PPIG: variants seen among roughly 807,000 people sequenced by gnomAD.
PPIG encodes peptidylprolyl isomerase G.
Under a neutral mutation model 87.9 loss-of-function variants are expected in PPIG, and 26 were observed. The observed-to-expected ratio is 0.30, with a 90% CI of 0.22 to 0.41. The LOEUF (loss-of-function observed/expected upper bound fraction) is 0.41, where lower values mean the gene tolerates loss of function less well. Among genes scored for constraint, PPIG ranks in the 10% least tolerant of loss-of-function variants. The probability of loss-of-function intolerance (pLI) is 1.00; values close to 1 mark genes in which losing one functional copy is unlikely to be tolerated. For synonymous variants in PPIG, 308 were observed against 276.5 expected (o/e 1.11, Z -1.13); for missense variants, 722 against 879.4 (o/e 0.82, Z 2.26).
At chr2:169,586,564 A>C (rs1389892452) in intron 1 of PPIG, among the ~76,000 whole-genome samples, 2 of 152,076 alleles carry the variant, frequency 1.3e-5, no homozygotes, top group Non-Finnish European at 2.9e-5. Context: ...TGTGGTGCTT[A>C]TTATTGTGGT....
At chr2:169,623,141 A>G (rs1344874807) in intron 9 of PPIG, among the ~76,000 whole-genome samples, 2 of 152,170 alleles carry the variant, frequency 1.3e-5, no homozygotes, top group African/African-American at 4.8e-5. Context: ...ACCTTCCAGC[A>G]GATGCAGAGA....
At chr2:169,596,823 C>G (rs546442909) in intron 1 of PPIG, among the ~76,000 whole-genome samples, 9 of 152,254 alleles carry the variant, frequency 5.9e-5, no homozygotes, top group African/African-American at 1.7e-4. Context: ...CCTCAGCCTC[C>G]TGAGAGTAGC....
intron 1 of PPIG, among the ~76,000 whole-genome samples, chr2:169,590,747 C>CA (rs1684842937): frequency 6.6e-6 from 1 of 152,208 alleles, no homozygotes; most frequent in Admixed American, 6.5e-5. Context: ...TAAAAGGACA[C>CA]ACGGGAATCA....
At chr2:169,594,270 C>T (rs529805928) in intron 1 of PPIG, among the ~76,000 whole-genome samples, 1 of 146,746 alleles carries the variant, frequency 6.8e-6, no homozygotes, top group African/African-American at 2.5e-5. Flanking sequence ...TTCCTGTTTC[C>T]ATTTGTACAT....
Position 169,627,704 on chromosome 2 carries a change from CTT to C in PPIG, c.548-3050_548-3049del, listed in dbSNP as rs777197172. On this transcript the variant is annotated intron_variant, in intron 9 of 13. Coordinates refer to ENST00000260970, the MANE Select transcript of PPIG (RefSeq NM_004792.3). ...GCCATGCCCCTAGCCAGTGGGCTTG[CTT>C]TTTTTTTTTTTTTTTTTTTAATTTC... Among the ~76,000 whole-genome samples the C allele has an allele frequency of 4.2e-4, 43 of 101,888 alleles. 1 individual carries two copies. Among genetic ancestry groups the C allele is most frequent in the South Asian group, 6.5e-4 (2 of 3,068 alleles). 66.8% of individuals were successfully genotyped at this position (101,888 alleles called of 152,430 possible).
At chr2:169,611,258 GAAA>G (rs536072151) in intron 7 of PPIG, among the ~76,000 whole-genome samples, 10 of 152,002 alleles carry the variant, frequency 6.6e-5, no homozygotes, top group African/African-American at 1.7e-4. Flanking sequence ...AAAAAAGAAA[GAAA>G]ACACAGATAA....
At chr2:169,631,488 C>A in intron 10 of PPIG, 1 of 844,254 alleles carries the variant, frequency 1.2e-6, no homozygotes, top group Non-Finnish European at 1.5e-6. Context: ...TTAAATTTAT[C>A]AGAGTGCATT....
chr2:169,612,524 C>T (rs767918926), intron 7 of PPIG, among the ~76,000 whole-genome samples: 4 of 151,986 alleles, frequency 2.6e-5, no homozygotes, highest in Non-Finnish European at 5.9e-5. Flanking sequence ...GCTGGGACTA[C>T]AGGCGCCTGT....
At chr2:169,635,170 T>A (rs888873918) in intron 12 of PPIG, among the ~76,000 whole-genome samples, 6 of 152,196 alleles carry the variant, frequency 3.9e-5, no homozygotes, top group African/African-American at 9.6e-5. Context: ...ATCTTTTTTT[T>A]AAAATAGTAG....
intron 1 of PPIG, among the ~76,000 whole-genome samples, chr2:169,594,625 C>CTTTTTTTTTTTTTTTTTTTT (rs61375406): frequency 8.7e-6 from 1 of 114,634 alleles, no homozygotes; most frequent in Non-Finnish European, 1.8e-5. Context: ...TCTTTCTTTT[C>CTTTTTTTTTTTTTTTTTTTT]TTTTTTTTTT....
At chr2:169,597,606 C>A (rs183581350) in intron 1 of PPIG, among the ~76,000 whole-genome samples, 1 of 151,088 alleles carries the variant, frequency 6.6e-6, no homozygotes, top group Admixed American at 6.6e-5. Context: ...TCAAGCAATT[C>A]TGTGCCTCAA....
intron 9 of PPIG, among the ~76,000 whole-genome samples, chr2:169,620,405 CAT>C (rs1685716055): frequency 6.6e-6 from 1 of 151,974 alleles, no homozygotes; most frequent in South Asian, 2.1e-4. Context: ...TCATTTTCTT[CAT>C]TTACCATGAA....
chr2:169,611,244 AAG>A (rs2105496149), intron 7 of PPIG, among the ~76,000 whole-genome samples: 1 of 151,550 alleles, frequency 6.6e-6, no homozygotes, highest in East Asian at 1.9e-4. Flanking sequence ...AAAAAAGAAA[AAG>A]AAAAAAAGAA....
At chr2:169,607,350 A>G (rs1685361288) in intron 6 of PPIG, among the ~76,000 whole-genome samples, 1 of 152,156 alleles carries the variant, frequency 6.6e-6, no homozygotes. Flanking sequence ...TTTTTACAAC[A>G]TGATTTGAAA....
At chr2:169,624,480 G>T (rs1248525793) in intron 9 of PPIG, among the ~76,000 whole-genome samples, 1 of 152,104 alleles carries the variant, frequency 6.6e-6, no homozygotes, top group South Asian at 2.1e-4. Flanking sequence ...TTCTTAACTT[G>T]CATTGTGGTT....
rs150525299 is a variant in PPIG, at chr2:169,622,911, C to T, written c.548-7863C>T. 8.5e-3 allele frequency among the ~76,000 whole-genome samples: 1,289 copies of T among 152,124 alleles called. 26 individuals are homozygous for T. The highest frequency in any genetic ancestry group is 0.03 in the African/African-American group (1,229 of 41,488). On this transcript the variant is annotated intron_variant, in intron 9 of 13. Coordinates refer to ENST00000260970, the MANE Select transcript of PPIG (RefSeq NM_004792.3). ...GTATTTATCATCATTATATTTAAAA[C>T]CTTGTATGAGAGATTTACACCTGTT...
At chr2:169,592,923 A>G (rs147884032) in intron 1 of PPIG, among the ~76,000 whole-genome samples, 149 of 152,316 alleles carry the variant, frequency 9.8e-4, no homozygotes, top group African/African-American at 3.5e-3. Context: ...ATATTAAAAC[A>G]TTTACATATT....
At chr2:169,630,014 A>G (rs1022743334) in intron 9 of PPIG, among the ~76,000 whole-genome samples, 1 of 152,100 alleles carries the variant, frequency 6.6e-6, no homozygotes, top group African/African-American at 2.4e-5. Context: ...CAAATCCACC[A>G]TGATTTGAAT....
At chr2:169,625,610 T>C (rs12999605) in intron 9 of PPIG, among the ~76,000 whole-genome samples, 1 of 152,218 alleles carries the variant, frequency 6.6e-6, no homozygotes, top group Admixed American at 6.5e-5. Flanking sequence ...TTTCTTTTTA[T>C]ATGAACCGAT....
Sources: gnomAD v4.1 joint callset for allele counts (sites outside exome capture counted in the v4.1 genomes callset) on GRCh38, gnomAD v4.1.1 for gene constraint, MANE v1.5 for transcripts, NCBI Gene and HGNC (gene_info 2026-07-23, HGNC 2026-07-21) for gene names.